The following NCALD variants were observed in gnomAD, a reference collection of about 807,000 sequenced individuals.
The protein encoded by NCALD is neurocalcin-delta.
Under a neutral mutation model 18.6 loss-of-function variants are expected in NCALD, and 10 were observed. The ratio of observed to expected loss-of-function variants is 0.54; its 90% CI spans 0.33 to 0.91. The LOEUF (loss-of-function observed/expected upper bound fraction) is 0.91, where lower values mean the gene tolerates loss of function less well. Ranked by LOEUF, NCALD falls within the 40% of genes least tolerant of loss-of-function variation. The probability of loss-of-function intolerance (pLI) is 0.03; values close to 1 mark genes in which losing one functional copy is unlikely to be tolerated. For missense variants in NCALD, 184 were observed against 247.6 expected, an observed-to-expected ratio of 0.74 and a Z score of 1.72; for synonymous variants, 88 against 87.4, an observed-to-expected ratio of 1.01 and a Z score of -0.04.
intron 2 of NCALD, among the ~76,000 whole-genome samples, chr8:101,925,895 A>G (rs1164166887): frequency 3.3e-5 from 5 of 152,214 alleles, no homozygotes; most frequent in Non-Finnish European, 7.3e-5. Context: ...AGGCAATTAA[A>G]TGTTGATAAG....
At chr8:101,932,493 G>T (rs1429847441) in intron 2 of NCALD, among the ~76,000 whole-genome samples, 1 of 152,110 alleles carries the variant, frequency 6.6e-6, no homozygotes, top group Non-Finnish European at 1.5e-5. Flanking sequence ...CTGCTTCAGG[G>T]TGTGTGTCTT....
chr8:102,099,672 C>G (rs1216907271), intron 1 of NCALD, among the ~76,000 whole-genome samples: 3 of 151,582 alleles, frequency 2.0e-5, no homozygotes, highest in African/African-American at 7.3e-5. Flanking sequence ...AGCTGGGCAC[C>G]GTGGCTCACG....
intron 1 of NCALD, among the ~76,000 whole-genome samples, chr8:101,742,954 G>A (rs1810276501): frequency 6.6e-6 from 1 of 152,130 alleles, no homozygotes; most frequent in African/African-American, 2.4e-5. Flanking sequence ...TTAGTTTGCT[G>A]AGGATGATGG....
At chr8:101,911,691 A>G (rs1166029474) in intron 3 of NCALD, among the ~76,000 whole-genome samples, 1 of 152,060 alleles carries the variant, frequency 6.6e-6, no homozygotes, top group East Asian at 1.9e-4. Context: ...TTACTGCAAT[A>G]TATATTTCCT....
At chr8:101,758,940 T>C (rs1350052586) in intron 1 of NCALD, among the ~76,000 whole-genome samples, 1 of 152,176 alleles carries the variant, frequency 6.6e-6, no homozygotes, top group Non-Finnish European at 1.5e-5. Flanking sequence ...GCTCTTTTAC[T>C]ACAAAGTACA....
In NCALD at chr8:101,689,100, G is replaced by C. The variant is rs936052770; in HGVS notation, c.*209C>G. The C allele has an allele frequency of 5.7e-6, 4 of 703,734 alleles. No individual in the cohort carries two copies. The highest frequency in any genetic ancestry group is 7.8e-6 in the Non-Finnish European group (3 of 385,444). The allele number at this position is 703,734 out of a possible 1,614,324, so 43.6% of individuals were successfully genotyped here. A position where few individuals can be genotyped will look rare whatever the true frequency, so the allele number is the denominator to read the frequency against. ...AATGAACACCACGAAGTCTGTCCAT[G>C]CTCTCCACAAGCACACTGGGGCTCT... On this transcript the variant is annotated 3_prime_UTR_variant, in exon 4 of 4. Coordinates refer to ENST00000220931, the MANE Select transcript of NCALD (RefSeq NM_032041.3). The surrounding 1 kb of genome is among the most constrained non-coding windows in gnomAD (Gnocchi z 4.4).
chr8:101,975,680 TCTC>T (rs1261908724), intron 2 of NCALD, among the ~76,000 whole-genome samples: 2 of 152,186 alleles, frequency 1.3e-5, no homozygotes, highest in Non-Finnish European at 2.9e-5. Context: ...CAATATCACT[TCTC>T]CTCCTTGGGA....
chr8:102,066,426 T>C (rs1232533485), intron 1 of NCALD, among the ~76,000 whole-genome samples: 2 of 152,228 alleles, frequency 1.3e-5, no homozygotes, highest in Non-Finnish European at 2.9e-5. Context: ...TAGAATCTTA[T>C]TGCATTGCTC....
At chr8:101,812,665 A>T (rs1261448209) in intron 4 of NCALD, among the ~76,000 whole-genome samples, 1 of 152,160 alleles carries the variant, frequency 6.6e-6, no homozygotes, top group Non-Finnish European at 1.5e-5. Context: ...ATGACCCATG[A>T]AGTCTGTCCA....
At chr8:102,077,844 C>A (rs1298217427) in intron 1 of NCALD, among the ~76,000 whole-genome samples, 1 of 152,196 alleles carries the variant, frequency 6.6e-6, no homozygotes, top group Non-Finnish European at 1.5e-5. Context: ...CTCATCTCCA[C>A]CTCTAGATAT....
At chr8:101,740,680 C>A (rs1810147786) in intron 1 of NCALD, among the ~76,000 whole-genome samples, 1 of 152,060 alleles carries the variant, frequency 6.6e-6, no homozygotes, top group Non-Finnish European at 1.5e-5. Flanking sequence ...AACATATATC[C>A]ACAAAGTGGT....
intron 1 of NCALD, among the ~76,000 whole-genome samples, chr8:102,074,437 T>C (rs1019496399): frequency 6.6e-6 from 1 of 152,186 alleles, no homozygotes; most frequent in Admixed American, 6.5e-5. Context: ...TTCTATAAAG[T>C]TCTCCCAGTC....
intron 1 of NCALD, among the ~76,000 whole-genome samples, chr8:101,738,867 T>C (rs1586359277): frequency 6.6e-6 from 1 of 152,184 alleles, no homozygotes; most frequent in African/African-American, 2.4e-5. Context: ...AACAGTATCT[T>C]AATCACCTTC....
At chr8:102,112,860 T>C (rs1375997287) in intron 1 of NCALD, among the ~76,000 whole-genome samples, 1 of 152,208 alleles carries the variant, frequency 6.6e-6, no homozygotes, top group African/African-American at 2.4e-5. Context: ...GCTTCCTCTC[T>C]GGCCATGTGA....
chr8:101,820,193 T>G (rs1006841445), intron 4 of NCALD, among the ~76,000 whole-genome samples: 4 of 152,324 alleles, frequency 2.6e-5, no homozygotes, highest in Middle Eastern at 3.4e-3. Context: ...TTTTGTATAC[T>G]TATATAATCT....
intron 2 of NCALD, among the ~76,000 whole-genome samples, chr8:102,018,032 G>A (rs376838505): frequency 3.3e-5 from 5 of 152,312 alleles, no homozygotes; most frequent in African/African-American, 1.2e-4. Context: ...AAGCTACGAT[G>A]AGATAATGTT....
At chr8:101,775,572 C>T (rs1811759098) in intron 1 of NCALD, among the ~76,000 whole-genome samples, 1 of 152,112 alleles carries the variant, frequency 6.6e-6, no homozygotes, top group Admixed American at 6.5e-5. Context: ...GACTGGAGGG[C>T]CCTGTGTTTA....
At chr8:101,962,929 A>T (rs1323351524) in intron 2 of NCALD, among the ~76,000 whole-genome samples, 3 of 152,296 alleles carry the variant, frequency 2.0e-5, no homozygotes, top group Non-Finnish European at 1.5e-5. Flanking sequence ...AACAAACAAA[A>T]AAAACAAAAC....
intron 2 of NCALD, among the ~76,000 whole-genome samples, chr8:101,986,180 G>A (rs1161184146): frequency 2.0e-5 from 3 of 152,086 alleles, no homozygotes; most frequent in Non-Finnish European, 4.4e-5. Flanking sequence ...ACAGGCAGGT[G>A]CCACCATGCC....
Sources: allele counts gnomAD v4.1 joint callset (sites outside exome capture counted in the v4.1 genomes callset), GRCh38; gene constraint gnomAD v4.1.1; non-coding constraint Gnocchi (gnomAD v3.1); transcripts MANE v1.5; gene names NCBI Gene and HGNC (gene_info 2026-07-23, HGNC 2026-07-21).